Variants in SPECC1 observed in about 807,000 individuals in gnomAD.
The protein encoded by SPECC1 is cytospin-B.
In SPECC1, 62 loss-of-function variants were observed where a neutral mutation model predicts 104.1. That is an observed-to-expected ratio of 0.60 (90% CI 0.49 to 0.74). The LOEUF (loss-of-function observed/expected upper bound fraction) is 0.74. Ranked by LOEUF, SPECC1 falls within the 30% of genes least tolerant of loss-of-function variation. SPECC1 has a pLI of 0.00. For missense variants in SPECC1, 1,306 were observed against 1,310.5 expected (o/e 1.00, Z 0.05); for synonymous variants, 513 against 501.6 (o/e 1.02, Z -0.30).
At chr17:20,020,258 T>C (rs1322961623) in intron 1 of SPECC1, among the ~76,000 whole-genome samples, 1 of 152,200 alleles carries the variant, frequency 6.6e-6, no homozygotes, top group African/African-American at 2.4e-5. Context: ...TGGGCTTAGA[T>C]TGTCAAATCA....
chr17:20,123,253 A>G (rs999667660), intron 3 of SPECC1, among the ~76,000 whole-genome samples: 4 of 152,256 alleles, frequency 2.6e-5, no homozygotes, highest in Admixed American at 2.0e-4. Context: ...CGTGGGATCC[A>G]AAGACATGTC....
At chr17:20,212,969 C>T (rs1006835276) in intron 4 of SPECC1, among the ~76,000 whole-genome samples, 4 of 152,114 alleles carry the variant, frequency 2.6e-5, no homozygotes, top group African/African-American at 9.7e-5. Context: ...TAATTTTATG[C>T]TGTTGATTCT....
chr17:20,232,069 C>A, intron 6 of SPECC1, 131 bp from the exon 7 acceptor site: 1 of 1,092,750 alleles, frequency 9.2e-7, no homozygotes, highest in South Asian at 1.5e-5. Flanking sequence ...AGTGAGCCAC[C>A]GTGTAAGCAG....
intron 7 of SPECC1, among the ~76,000 whole-genome samples, chr17:20,234,564 A>G (rs190967506): frequency 1.3e-5 from 2 of 152,326 alleles, no homozygotes; most frequent in Admixed American, 1.3e-4. Flanking sequence ...TGAGTTCTTG[A>G]TTGAAACTCA....
At chr17:20,284,805 A>G (rs1320967718) in intron 12 of SPECC1, among the ~76,000 whole-genome samples, 6 of 152,262 alleles carry the variant, frequency 3.9e-5, no homozygotes, top group Middle Eastern at 3.2e-3. Context: ...AGATTCAGGG[A>G]GTGAGACTGT....
At chr17:20,189,287 T>C (rs984715620) in intron 3 of SPECC1, among the ~76,000 whole-genome samples, 14 of 152,170 alleles carry the variant, frequency 9.2e-5, no homozygotes, top group Admixed American at 8.5e-4. Flanking sequence ...CCAAGCTCTC[T>C]AGTTAGGCAA....
chr17:20,297,496 T>C (rs2041394100), intron 13 of SPECC1, among the ~76,000 whole-genome samples: 1 of 152,244 alleles, frequency 6.6e-6, no homozygotes, highest in East Asian at 1.9e-4. Flanking sequence ...ATAGATCAGA[T>C]CCACTTAACC....
intron 3 of SPECC1, among the ~76,000 whole-genome samples, chr17:20,162,036 C>G (rs1035598280): frequency 6.6e-6 from 1 of 151,968 alleles, no homozygotes; most frequent in South Asian, 2.1e-4. Context: ...CTCAGGTGAT[C>G]CGCCCACCTG....
rs71357423 is a variant in SPECC1 at position 20,278,719 on chromosome 17, CT to C, written c.2941-18231del. 2.8e-3 allele frequency among the ~76,000 whole-genome samples: 303 copies of C among 107,888 alleles called. 2 individuals carry two copies. The highest frequency in any genetic ancestry group is 1.5e-3 in the East Asian group (4 of 2,586). The allele number at this position is 107,888 out of a possible 152,430, so 70.8% of individuals were successfully genotyped here. A position where few individuals can be genotyped will look rare whatever the true frequency, so the allele number is the denominator to read the frequency against. On this transcript the variant is annotated intron_variant, in intron 12 of 14. Transcript: ENST00000395527. Reference sequence around the variant, plus strand: ...ACCCTGTCTCTCTCTCTCTCTCTCTCTTTTTTTTTTTAAAGGTTCTTACCAT... The same window carrying C: ...ACCCTGTCTCTCTCTCTCTCTCTCTCTTTTTTTTTTAAAGGTTCTTACCAT...
chr17:20,056,966 A>T (rs1468880635), intron 1 of SPECC1, among the ~76,000 whole-genome samples: 1 of 152,196 alleles, frequency 6.6e-6, no homozygotes, highest in Non-Finnish European at 1.5e-5. Flanking sequence ...CCATTGAAAT[A>T]GAAAGCCGAA....
At chr17:20,039,215 A>C (rs2045222634) in intron 1 of SPECC1, among the ~76,000 whole-genome samples, 1 of 152,200 alleles carries the variant, frequency 6.6e-6, no homozygotes, top group Non-Finnish European at 1.5e-5. Context: ...CTTGAAAAGA[A>C]TGTTTATTTT....
intron 4 of SPECC1, among the ~76,000 whole-genome samples, chr17:20,212,292 C>G (rs187442001): frequency 2.6e-5 from 4 of 152,212 alleles, no homozygotes; most frequent in Admixed American, 6.5e-5. Context: ...TTTGCAGTAC[C>G]CAAGCTAGAT....
Position 20,256,128 on chromosome 17 carries a change from C to T in SPECC1, c.2681-1323C>T, listed in dbSNP as rs553265910. 1.1e-4 allele frequency among the ~76,000 whole-genome samples: 17 copies of T among 151,894 alleles called. 1 individual carries two copies. In the South Asian group the frequency reaches 3.3e-3, roughly 30 times the overall value. ...TCCTGACCTCGTAATCCACCCACCT[C>T]GGCCTCCCAAAGTGCTGGGATTACA... On this transcript the variant is annotated intron_variant, in intron 10 of 14. Transcript: ENST00000395527.
intron 1 of SPECC1, among the ~76,000 whole-genome samples, chr17:20,078,731 G>A (rs564986397): frequency 1.3e-5 from 2 of 152,036 alleles, no homozygotes; most frequent in South Asian, 2.1e-4. Flanking sequence ...GTTAAAAATT[G>A]TATGTTAAAA....
chr17:20,023,018 A>T (rs1261490052), intron 1 of SPECC1, among the ~76,000 whole-genome samples: 1 of 152,196 alleles, frequency 6.6e-6, no homozygotes, highest in Non-Finnish European at 1.5e-5. Context: ...TTTTTGCCAA[A>T]AAAAACCAAA....
At chr17:20,054,682 G>T (rs9897924) in intron 1 of SPECC1, among the ~76,000 whole-genome samples, 2,276 of 150,784 alleles carry the variant, frequency 0.015, 63 homozygotes, top group African/African-American at 0.051. Context: ...TTCTTTTTTT[G>T]GGGGGGGTGG....
chr17:20,281,828 G>C (rs2040780358), intron 12 of SPECC1, among the ~76,000 whole-genome samples: 1 of 152,244 alleles, frequency 6.6e-6, no homozygotes, highest in South Asian at 2.1e-4. Flanking sequence ...AAATTCCAGG[G>C]AAGTGTTTCC....
chr17:20,068,659 T>C (rs916223719), intron 1 of SPECC1, among the ~76,000 whole-genome samples: 13 of 152,224 alleles, frequency 8.5e-5, no homozygotes, highest in Admixed American at 6.5e-4. Context: ...TTAATGTCTG[T>C]TCTTTTGGCT....
intron 3 of SPECC1, among the ~76,000 whole-genome samples, chr17:20,147,923 A>G (rs1281091898): frequency 6.6e-6 from 1 of 152,116 alleles, no homozygotes; most frequent in African/African-American, 2.4e-5. Context: ...CTATAATCCC[A>G]GCTACTTGGG....
Sources: gnomAD v4.1 joint callset for allele counts (sites outside exome capture counted in the v4.1 genomes callset) on GRCh38, gnomAD v4.1.1 for gene constraint, MANE v1.5 for transcripts, NCBI Gene and HGNC (gene_info 2026-07-23, HGNC 2026-07-21) for gene names.